Variants in WWOX observed in about 807,000 individuals in gnomAD.
WWOX encodes WW domain containing oxidoreductase.
Under a neutral mutation model 46.2 loss-of-function variants are expected in WWOX, and 69 were observed. The observed-to-expected ratio is 1.49, with a 90% CI of 1.23 to 1.82. The LOEUF is 1.82. Among genes scored for constraint, WWOX ranks in the 40% most tolerant of loss-of-function variants. The probability of loss-of-function intolerance (pLI) is 0.00; values close to 1 mark genes in which losing one functional copy is unlikely to be tolerated. For missense variants in WWOX, 919 were observed against 542.6 expected, an observed-to-expected ratio of 1.69 and a Z score of -6.89; for synonymous variants, 359 against 202.6, an observed-to-expected ratio of 1.77 and a Z score of -6.56.
chr16:78,916,696 A>C (rs549084751), intron 8 of WWOX, among the ~76,000 whole-genome samples: 1 of 152,316 alleles, frequency 6.6e-6, no homozygotes, highest in East Asian at 1.9e-4. Flanking sequence ...CTCAGACTTG[A>C]AACAAAATAA....
intron 8 of WWOX, among the ~76,000 whole-genome samples, chr16:78,721,652 G>A (rs562269765): frequency 6.6e-6 from 1 of 152,326 alleles, no homozygotes; most frequent in Admixed American, 6.5e-5. Context: ...GTCACTGGCT[G>A]TGTGACCTTA....
chr16:79,131,999 C>A (rs1027524509), intron 8 of WWOX, among the ~76,000 whole-genome samples: 1 of 152,086 alleles, frequency 6.6e-6, no homozygotes, highest in East Asian at 1.9e-4. Flanking sequence ...GAAAGACCCA[C>A]CCCCATGATT....
intron 8 of WWOX, among the ~76,000 whole-genome samples, chr16:78,925,092 G>C (rs111238843): frequency 6.6e-6 from 1 of 152,180 alleles, no homozygotes; most frequent in South Asian, 2.1e-4. Context: ...TTACTGGGGA[G>C]GCTGAGATGG....
At chr16:78,589,089 T>A (rs1478151564) in intron 8 of WWOX, among the ~76,000 whole-genome samples, 1 of 152,230 alleles carries the variant, frequency 6.6e-6, no homozygotes, top group Non-Finnish European at 1.5e-5. Flanking sequence ...CTGTTGTACT[T>A]GTTTCTCCCT....
chr16:78,375,892 C>T (rs1054544860), intron 5 of WWOX, among the ~76,000 whole-genome samples: 62 of 149,224 alleles, frequency 4.2e-4, no homozygotes, highest in African/African-American at 1.4e-3. Flanking sequence ...TGCTCTGTTG[C>T]CCAGGCTCGA....
At chr16:78,104,469 A>G (rs2032016484) in intron 1 of WWOX, among the ~76,000 whole-genome samples, 1 of 152,102 alleles carries the variant, frequency 6.6e-6, no homozygotes, top group African/African-American at 2.4e-5. Context: ...GCATCACTGT[A>G]CTCTAGCCTG....
At chr16:78,220,789 A>G (rs2036861866) in intron 5 of WWOX, among the ~76,000 whole-genome samples, 1 of 152,192 alleles carries the variant, frequency 6.6e-6, no homozygotes, top group Admixed American at 6.5e-5. Context: ...AAGTACCACC[A>G]TAGTTAGCGG....
chr16:78,590,254 A>G (rs1435520357), intron 8 of WWOX, among the ~76,000 whole-genome samples: 2 of 152,186 alleles, frequency 1.3e-5, no homozygotes, highest in Non-Finnish European at 2.9e-5. Context: ...AGATGCAGAC[A>G]GGCTTGGTGT....
At chr16:78,550,044 A>G (rs1240924590) in intron 8 of WWOX, among the ~76,000 whole-genome samples, 1 of 152,218 alleles carries the variant, frequency 6.6e-6, no homozygotes, top group African/African-American at 2.4e-5. Context: ...ATAAATGTTC[A>G]TGGTTGAATG....
intron 6 of WWOX, among the ~76,000 whole-genome samples, chr16:78,424,211 G>A (rs916962024): frequency 1.5e-4 from 22 of 145,926 alleles, no homozygotes; most frequent in African/African-American, 5.7e-4. Context: ...TCTGCCTCCT[G>A]GGTTCAAGTG....
chr16:78,194,125 G>A (rs192207921), intron 5 of WWOX, among the ~76,000 whole-genome samples: 6 of 151,640 alleles, frequency 4.0e-5, no homozygotes, highest in Admixed American at 1.3e-4. Context: ...TGATCCGTCC[G>A]CCTCGGCCTC....
chr16:78,484,936 T>G (rs1400199176), intron 8 of WWOX, among the ~76,000 whole-genome samples: 1 of 152,130 alleles, frequency 6.6e-6, no homozygotes, highest in African/African-American at 2.4e-5. Flanking sequence ...GTTTGTGTAC[T>G]ACACAGCCTG....
chr16:78,519,046 A>C (rs917635359), intron 8 of WWOX, among the ~76,000 whole-genome samples: 67 of 152,172 alleles, frequency 4.4e-4, no homozygotes, highest in African/African-American at 1.5e-3. Context: ...CTGTTTTTCT[A>C]ATTTAATCTT....
chr16:78,240,575 A>G (rs564386527), intron 5 of WWOX, among the ~76,000 whole-genome samples: 1 of 152,228 alleles, frequency 6.6e-6, no homozygotes, highest in South Asian at 2.1e-4. Flanking sequence ...CTGATACGCT[A>G]GGGCAGCCCT....
intron 8 of WWOX, among the ~76,000 whole-genome samples, chr16:79,018,942 G>A (rs2047472426): frequency 6.6e-6 from 1 of 151,882 alleles, no homozygotes; most frequent in African/African-American, 2.4e-5. Context: ...CTTGAGCTCA[G>A]GAGTTGGAGA....
chr16:78,400,269 AT>A (rs1275873203), intron 6 of WWOX, among the ~76,000 whole-genome samples: 1 of 152,218 alleles, frequency 6.6e-6, no homozygotes, highest in African/African-American at 2.4e-5. Flanking sequence ...CAAGTTATGC[AT>A]AAGGTGACAA....
At chr16:78,499,512 G>C (rs769688728) in intron 8 of WWOX, among the ~76,000 whole-genome samples, 4 of 152,162 alleles carry the variant, frequency 2.6e-5, no homozygotes, top group South Asian at 2.1e-4. Context: ...AACTAGCAGC[G>C]ACTGCAGATT....
chr16:78,938,127 A>G (rs1449656546), intron 8 of WWOX, among the ~76,000 whole-genome samples: 3 of 152,164 alleles, frequency 2.0e-5, no homozygotes, highest in African/African-American at 7.2e-5. Flanking sequence ...ATCTCCTCAC[A>G]TCTGGCGCTG....
intron 4 of WWOX, among the ~76,000 whole-genome samples, chr16:78,149,255 C>G (rs1388057023): frequency 1.3e-5 from 2 of 152,132 alleles, no homozygotes; most frequent in South Asian, 4.1e-4. Context: ...TTGTAACGGT[C>G]ATGGTGTAAA....
Sources: gnomAD v4.1 joint callset for allele counts (sites outside exome capture counted in the v4.1 genomes callset) on GRCh38, gnomAD v4.1.1 for gene constraint, MANE v1.5 for transcripts, NCBI Gene and HGNC (gene_info 2026-07-23, HGNC 2026-07-21) for gene names.